Variants in ARRB1 observed in about 807,000 individuals in gnomAD.
ARRB1 encodes the protein arrestin beta 1.
In ARRB1, 21 loss-of-function variants were observed where a neutral mutation model predicts 56.8. That is an observed-to-expected ratio of 0.37 (90% confidence interval 0.26 to 0.53). The LOEUF (loss-of-function observed/expected upper bound fraction) is 0.53. Among genes scored for constraint, ARRB1 ranks in the 20% least tolerant of loss-of-function variants. The probability of loss-of-function intolerance (pLI) is 0.88; values close to 1 mark genes in which losing one functional copy is unlikely to be tolerated. For missense variants in ARRB1, 424 were observed against 553.7 expected, an observed-to-expected ratio of 0.77 and a Z score of 2.35; for synonymous variants, 210 against 218.6, an observed-to-expected ratio of 0.96 and a Z score of 0.35.
At chr11:75,339,887 A>G (rs1947668845) in intron 1 of ARRB1, among the ~76,000 whole-genome samples, 1 of 152,186 alleles carries the variant, frequency 6.6e-6, no homozygotes, top group Non-Finnish European at 1.5e-5. Context: ...GCTAACCCTG[A>G]AAACTCCTAG....
intron 8 of ARRB1, 32 bp downstream of exon 8, chr11:75,278,577 C>T (rs746783181): frequency 3.1e-6 from 5 of 1,613,036 alleles, no homozygotes; most frequent in Admixed American, 3.3e-5. Flanking sequence ...GGTGGAGCAG[C>T]CCCCACCCCC....
chr11:75,303,731 G>A (rs767476670), intron 1 of ARRB1: 1 of 455,952 alleles, frequency 2.2e-6, no homozygotes, highest in South Asian at 1.5e-5. Context: ...AGGTGCATGT[G>A]TGATGTGCCC....
chr11:75,263,719 T>C lies in ARRB1; in HGVS notation c.*2444A>G, dbSNP rs1373961262. On this transcript the variant is annotated 3_prime_UTR_variant, in exon 16 of 16. Coordinates refer to ENST00000420843, the MANE Select transcript of ARRB1 (RefSeq NM_004041.5). ...ATTCAACTAAATTTGGCCATTGCCT[T>C]GTGCAGTCCTGGCTCCAGGAGAAAA... 6.6e-6 allele frequency among the ~76,000 whole-genome samples: 1 copy of C among 151,226 alleles called. No homozygotes were observed. Among genetic ancestry groups the C allele is most frequent in the Non-Finnish European group, 1.5e-5 (1 of 67,926 alleles).
chr11:75,296,785 C>A (rs1946760482), intron 1 of ARRB1, among the ~76,000 whole-genome samples: 1 of 152,092 alleles, frequency 6.6e-6, no homozygotes, highest in Non-Finnish European at 1.5e-5. Context: ...TCAAGCGATT[C>A]TCCTGCCTCA....
intron 1 of ARRB1, among the ~76,000 whole-genome samples, chr11:75,309,598 G>T (rs2082960582): frequency 6.6e-6 from 1 of 152,150 alleles, no homozygotes; most frequent in African/African-American, 2.4e-5. Flanking sequence ...CTTGGCTTCA[G>T]CTGGCTTACG....
intron 2 of ARRB1, 59 bp downstream of exon 2, chr11:75,289,950 G>T (rs1259080678): frequency 5.6e-5 from 91 of 1,612,680 alleles, no homozygotes; most frequent in Non-Finnish European, 7.4e-5. Flanking sequence ...TGCTTCCCAA[G>T]AGAAAATGAC....
chr11:75,276,056 A>G (rs1400073615), intron 10 of ARRB1, among the ~76,000 whole-genome samples: 1 of 152,234 alleles, frequency 6.6e-6, no homozygotes, highest in Non-Finnish European at 1.5e-5. Flanking sequence ...ATGTTCACCT[A>G]TAGGACATTA....
At chr11:75,343,468 C>G (rs78423055) in intron 1 of ARRB1, among the ~76,000 whole-genome samples, 2,022 of 152,256 alleles carry the variant, frequency 0.013, 60 homozygotes, top group African/African-American at 0.046. Flanking sequence ...GCCGGTGAGA[C>G]GTCATATAAG....
intron 1 of ARRB1, among the ~76,000 whole-genome samples, chr11:75,328,231 C>T (rs776024335): frequency 3.3e-5 from 5 of 152,150 alleles, no homozygotes; most frequent in Non-Finnish European, 4.4e-5. Context: ...TTTCATTTCA[C>T]GTAAGGTTTG....
At chr11:75,338,217 C>G (rs926622365) in intron 1 of ARRB1, among the ~76,000 whole-genome samples, 5 of 151,992 alleles carry the variant, frequency 3.3e-5, no homozygotes, top group Non-Finnish European at 7.4e-5. Flanking sequence ...GTGGATCAGG[C>G]CTTAGGCTGG....
Position 75,287,320 on chromosome 11 carries a change from G to A in ARRB1, c.107C>T (p.Pro36Leu). 6.4e-7 allele frequency: 1 copy of A among 1,555,474 alleles called. No homozygotes were observed. Among genetic ancestry groups the A allele is most frequent in the Non-Finnish European group, 8.7e-7 (1 of 1,149,026 alleles). The change falls in exon 3 of 16, where the codon CCT becomes CTT. Residue 36 changes from proline to leucine, a missense_variant. By Grantham distance (98) the Pro-to-Leu change is moderately conservative (BLOSUM62 -3). Around this residue, in one of 3 missense-constraint regions of ARRB1, gnomAD observed 301 missense variants for 387.9 expected, o/e 0.78. Coordinates refer to ENST00000420843, the MANE Select transcript of ARRB1 (RefSeq NM_004041.5). ...CTCGCCCTCCAGGGACTCACCCACAGGGTCCACGAGGTCGATGTGGTCCAC... is the reference window on the plus strand; with the variant it reads ...CTCGCCCTCCAGGGACTCACCCACAAGGTCCACGAGGTCGATGTGGTCCAC... The part of the protein sequence containing the change: ...DFVDHIDLVD[P>L]VDGVVLVDPE...
At chr11:75,347,006 G>T (rs567065584) in intron 1 of ARRB1, among the ~76,000 whole-genome samples, 4 of 152,376 alleles carry the variant, frequency 2.6e-5, no homozygotes, top group African/African-American at 9.6e-5. Flanking sequence ...GCATGGCTGT[G>T]TAGAGGCCAG....
intron 1 of ARRB1, among the ~76,000 whole-genome samples, chr11:75,291,461 A>G (rs1453483028): frequency 6.6e-6 from 1 of 152,262 alleles, no homozygotes; most frequent in East Asian, 1.9e-4. Context: ...ACTGAAGCCC[A>G]GGAAAGGCAG....
At chr11:75,300,531 G>C (rs543277999) in intron 1 of ARRB1, among the ~76,000 whole-genome samples, 1 of 152,102 alleles carries the variant, frequency 6.6e-6, no homozygotes, top group Non-Finnish European at 1.5e-5. Flanking sequence ...TCTGTCTGGG[G>C]AGTCAAAAAA....
chr11:75,271,498 C>A (rs1946073212), intron 13 of ARRB1: 2 of 549,056 alleles, frequency 3.6e-6, no homozygotes, highest in Non-Finnish European at 6.4e-6. Flanking sequence ...CTGTAAAGAT[C>A]CCTGTCACTC....
Position 75,264,141 on chromosome 11 carries a change from G to A in ARRB1, c.*2022C>T, listed in dbSNP as rs1486164020. 2 of 152,248 alleles carry A rather than the reference G, an allele frequency of 1.3e-5. No homozygotes were observed. Among genetic ancestry groups the A allele is most frequent in the Non-Finnish European group, 2.9e-5 (2 of 68,068 alleles). The allele number at this position is 152,248 out of a possible 1,614,324, so 9.4% of individuals were successfully genotyped here. On this transcript the variant is annotated 3_prime_UTR_variant, in exon 16 of 16. Transcript: ENST00000420843. Reference sequence around the variant, plus strand: ...CAGGGTAGTACGACAGCCCCCAGCTGACTTGGTTCTGGTCTGGGGAGGGGT... The same window carrying A: ...CAGGGTAGTACGACAGCCCCCAGCTAACTTGGTTCTGGTCTGGGGAGGGGT...
chr11:75,290,645 T>C (rs1490945542), intron 1 of ARRB1, among the ~76,000 whole-genome samples: 1 of 152,174 alleles, frequency 6.6e-6, no homozygotes, highest in Non-Finnish European at 1.5e-5. Flanking sequence ...AGTGGCGTGA[T>C]CTCAGCTCAC....
At chr11:75,306,592 A>G (rs569660546) in intron 1 of ARRB1, 27 of 1,289,422 alleles carry the variant, frequency 2.1e-5, no homozygotes, top group Non-Finnish European at 2.5e-5. Context: ...CAGTGGAGTG[A>G]AGAGGCCAGC....
Position 75,290,073 on chromosome 11 carries a change from G to A in ARRB1, c.21-34C>T, listed in dbSNP as rs186933212. Reference sequence around the variant, plus strand: ...AGAAAGAGAGGTCAGGCCAGGGTTCGCGTATCCTGCCCAGGGGCAAGCTCC... The same window carrying A: ...AGAAAGAGAGGTCAGGCCAGGGTTCACGTATCCTGCCCAGGGGCAAGCTCC... On this transcript the variant is annotated intron_variant, in intron 1 of 15. Coordinates refer to ENST00000420843, the MANE Select transcript of ARRB1 (RefSeq NM_004041.5). 19 of 1,613,650 alleles carry A rather than the reference G, an allele frequency of 1.2e-5. No homozygotes were observed. The African/African-American group carries it at 1.2e-4, about 10-fold the overall frequency.
Sources: gnomAD v4.1 joint callset for allele counts (sites outside exome capture counted in the v4.1 genomes callset) on GRCh38, gnomAD v4.1.1 for gene constraint, gnomAD v4.1.1 regional missense constraint, MANE v1.5 for transcripts, NCBI Gene and HGNC (gene_info 2026-07-23, HGNC 2026-07-21) for gene names.